The following FER1L6 variants were observed in gnomAD, a reference collection of about 807,000 sequenced individuals.
FER1L6 encodes the protein fer-1 like family member 6, also known as fer-1-like protein 6.
FER1L6 carries 177 observed loss-of-function variants against 219.2 expected under a neutral mutation model. The ratio of observed to expected loss-of-function variants is 0.81; its 90% confidence interval spans 0.71 to 0.91. FER1L6 has a LOEUF of 0.91. Ranked by LOEUF, FER1L6 falls within the 40% of genes least tolerant of loss-of-function variation. The pLI is 0.00. For missense variants in FER1L6, 2,153 were observed against 2,259.9 expected (o/e 0.95, Z 0.96); for synonymous variants, 768 against 824.3 (o/e 0.93, Z 1.17).
At chr8:123,977,316 T>G in intron 9 of FER1L6, 101 bp from the exon 10 acceptor site, 5 of 1,216,254 alleles carry the variant, frequency 4.1e-6, no homozygotes, top group Non-Finnish European at 5.8e-6. Flanking sequence ...AGCAGGTTCA[T>G]TATCTTTGAA....
intron 5 of FER1L6, among the ~76,000 whole-genome samples, chr8:123,966,633 C>T (rs552190065): frequency 1.3e-5 from 2 of 152,288 alleles, no homozygotes; most frequent in African/African-American, 4.8e-5. Flanking sequence ...GATACATATT[C>T]TTCTTCCTGG....
intron 18 of FER1L6, among the ~76,000 whole-genome samples, chr8:124,028,162 G>A (rs1417126680): frequency 2.0e-5 from 3 of 152,202 alleles, no homozygotes; most frequent in Admixed American, 6.5e-5. Context: ...AGTTGAGAAT[G>A]CAGAACTTTT....
intron 18 of FER1L6, among the ~76,000 whole-genome samples, chr8:124,034,203 C>T (rs1050260718): frequency 2.7e-5 from 4 of 150,916 alleles, no homozygotes; most frequent in African/African-American, 9.8e-5. Flanking sequence ...TTCTAAGAAA[C>T]ACCAGGAAGA....
Position 123,859,548 on chromosome 8 carries a change from CTT to C in FER1L6, c.-8+7379_-8+7380del, listed in dbSNP as rs540137748. 8.7e-4 allele frequency among the ~76,000 whole-genome samples: 117 copies of C among 134,046 alleles called. 2 individuals carry two copies. Among genetic ancestry groups the C allele is most frequent in the South Asian group, 8.5e-3 (35 of 4,126 alleles). 87.9% of individuals were successfully genotyped at this position (134,046 alleles called of 152,430 possible). ...TCGTAACCACCTTTCTGCTCTGTTT[CTT>C]TTTTTTTTTTTTTTTAATACTTTAA... On this transcript the variant is annotated intron_variant, in intron 1 of 40. Coordinates refer to ENST00000522917, the MANE Select transcript of FER1L6 (RefSeq NM_001039112.2).
chr8:124,053,927 T>C (rs1358158369), intron 22 of FER1L6, among the ~76,000 whole-genome samples: 2 of 152,112 alleles, frequency 1.3e-5, no homozygotes, highest in Admixed American at 6.5e-5. Context: ...TATTTTTACT[T>C]CCCTCCTCTA....
intron 1 of FER1L6, among the ~76,000 whole-genome samples, chr8:123,884,753 G>T (rs747226553): frequency 2.0e-5 from 3 of 151,608 alleles, no homozygotes; most frequent in Non-Finnish European, 2.9e-5. Context: ...GAGGCAGCTT[G>T]GAAATCCCTG....
At chr8:123,899,719 T>G (rs1309038824) in intron 1 of FER1L6, among the ~76,000 whole-genome samples, 1 of 152,176 alleles carries the variant, frequency 6.6e-6, no homozygotes, top group Non-Finnish European at 1.5e-5. Flanking sequence ...TTCCTACATG[T>G]GGCTAGCCAA....
At chr8:124,095,181 G>T in intron 35 of FER1L6, 143 bp downstream of exon 35, 2 of 1,112,198 alleles carry the variant, frequency 1.8e-6, no homozygotes, top group Non-Finnish European at 2.5e-6. Flanking sequence ...AGTAGGTGGG[G>T]TTGCTACTGG....
rs761706612 is a variant in FER1L6, at chr8:123,980,629, G to T, written c.1228G>T (p.Ala410Ser). 1.2e-6 allele frequency: 2 copies of T among 1,614,012 alleles called. No homozygotes were observed. The highest frequency in any genetic ancestry group is 3.3e-5 in the Admixed American group (2 of 59,986). ...EIAVEILSGR[A>S]QESKFSKALK... ...TGCTGTGGAAATCCTCTCAGGACGG[G>T]CACAGGAATCTAAATTTTCCAAGGC... is the stretch of plus-strand genomic sequence containing the variant. The change falls in exon 11 of 41, where the codon GCA (alanine) becomes TCA (serine). Residue 410 changes from alanine (A) to serine (S), a missense_variant. By Grantham distance (99) the Ala-to-Ser change is moderately conservative. Transcript: ENST00000522917.
chr8:123,954,011 C>T (rs1814903282), intron 1 of FER1L6, among the ~76,000 whole-genome samples: 2 of 152,178 alleles, frequency 1.3e-5, no homozygotes, highest in African/African-American at 4.8e-5. Flanking sequence ...GAAAATGCTA[C>T]CTCCAAGAAG....
rs527435951 is a variant in FER1L6 at position 123,890,438 on chromosome 8, T to C, written c.-8+38253T>C. On this transcript the variant is annotated intron_variant, in intron 1 of 40. Transcript: ENST00000522917. ...CTGTTCTTTGGGATTAACTTATATA[T>C]ACATATATATAAATAATTGATGTTT... 4.0e-5 allele frequency among the ~76,000 whole-genome samples: 6 copies of C among 151,890 alleles called. No homozygotes were observed. In the East Asian group the frequency reaches 1.2e-3, roughly 29 times the overall value.
chr8:123,854,296 G>A (rs1322299589), intron 1 of FER1L6, among the ~76,000 whole-genome samples: 1 of 152,174 alleles, frequency 6.6e-6, no homozygotes, highest in Non-Finnish European at 1.5e-5. Context: ...CCAGTAGGGT[G>A]TTGATACCCT....
intron 1 of FER1L6, among the ~76,000 whole-genome samples, chr8:123,922,918 A>T (rs940211064): frequency 2.0e-5 from 3 of 152,028 alleles, no homozygotes; most frequent in African/African-American, 4.8e-5. Context: ...CCCTCCCACT[A>T]AATCTCATTG....
intron 33 of FER1L6, among the ~76,000 whole-genome samples, chr8:124,084,606 T>A (rs1335147388): frequency 6.6e-6 from 1 of 152,200 alleles, no homozygotes; most frequent in African/African-American, 2.4e-5. Flanking sequence ...ATCCCTGGAA[T>A]AAATTCCACC....
At chr8:123,869,987 C>G (rs1464835292) in intron 1 of FER1L6, among the ~76,000 whole-genome samples, 1 of 151,128 alleles carries the variant, frequency 6.6e-6, no homozygotes, top group Non-Finnish European at 1.5e-5. Flanking sequence ...CAATGTTGGG[C>G]AAAACATCTA....
Position 124,066,499 on chromosome 8 carries a change from C to T in FER1L6, c.3627C>T (p.Asn1209=), listed in dbSNP as rs373220523. 7.4e-6 allele frequency: 12 copies of T among 1,613,930 alleles called. No homozygotes were observed. Among genetic ancestry groups the T allele is most frequent in the African/African-American group, 2.7e-5 (2 of 74,910 alleles). The change falls in exon 27 of 41, where the codon AAC becomes AAT. Residue 1209 remains asparagine (N), a synonymous_variant. Transcript: ENST00000522917. ...CCATAGCAGATGAATCTGCTGAAAA[C>T]GTGATTGACTGGTGGTCTAAGTATT... is the stretch of plus-strand genomic sequence containing the variant. ...KRTIADESAE[N]VIDWWSKYYA...
intron 16 of FER1L6, among the ~76,000 whole-genome samples, chr8:124,018,877 A>T (rs977406504): frequency 6.6e-6 from 1 of 152,142 alleles, no homozygotes; most frequent in Non-Finnish European, 1.5e-5. Flanking sequence ...CTCTCACCTT[A>T]AGTAGCCATT....
chr8:123,971,534 T>C (rs546869482), intron 6 of FER1L6, among the ~76,000 whole-genome samples: 1 of 152,338 alleles, frequency 6.6e-6, no homozygotes, highest in East Asian at 1.9e-4. Context: ...ACATGTGGAC[T>C]TCTAGACAGA....
At position 124,099,650 on chromosome 8, in the gene FER1L6, T is replaced by C. The variant is rs963891958; in HGVS notation, c.4884-1447T>C. Among the ~76,000 whole-genome samples, 4 of 152,316 alleles carry C rather than the reference T, an allele frequency of 2.6e-5. No homozygotes were observed. The East Asian group carries it at 5.8e-4, about 22-fold the overall frequency. ...ATAGTTTGCTCTCTATGTTTAAACA[T>C]GAGCTTTTCAAAACACAATCTGATC... On this transcript the variant is annotated intron_variant, in intron 37 of 40. Transcript: ENST00000522917.
Sources: gnomAD v4.1 joint callset for allele counts (sites outside exome capture counted in the v4.1 genomes callset) on GRCh38, gnomAD v4.1.1 for gene constraint, MANE v1.5 for transcripts, NCBI Gene and HGNC (gene_info 2026-07-23, HGNC 2026-07-21) for gene names.